GAS7: variants seen among roughly 807,000 people sequenced by gnomAD.
The protein encoded by GAS7 is growth arrest-specific protein 7.
In GAS7, 28 loss-of-function variants were observed where a neutral mutation model predicts 71.1. That is an observed-to-expected ratio of 0.39 (90% CI 0.29 to 0.54). The LOEUF (loss-of-function observed/expected upper bound fraction) is 0.54, where lower values mean the gene tolerates loss of function less well. GAS7 is among the 20% of genes least tolerant of loss of function. The pLI, the probability that GAS7 is intolerant of heterozygous loss-of-function variation, is 0.62. For synonymous variants in GAS7, 258 were observed against 245.8 expected (o/e 1.05, Z -0.46); for missense variants, 436 against 627.8 (o/e 0.69, Z 3.27).
At chr17:9,945,089 C>T (rs987345224) in intron 6 of GAS7, among the ~76,000 whole-genome samples, 1 of 152,092 alleles carries the variant, frequency 6.6e-6, no homozygotes. Context: ...ACCAGCTTTC[C>T]AAGGCTTGAG....
chr17:9,917,493 G>A, intron 13 of GAS7, 152 bp from the exon 14 acceptor site: 2 of 632,728 alleles, frequency 3.2e-6, no homozygotes. Context: ...CTGAGGGACA[G>A]CACATGAAGA....
At chr17:10,118,526 C>T (rs908904525) in intron 1 of GAS7, among the ~76,000 whole-genome samples, 3 of 152,120 alleles carry the variant, frequency 2.0e-5, no homozygotes, top group African/African-American at 7.2e-5. Context: ...GCCTGGCCAA[C>T]ACGGTAAAAC....
At chr17:9,934,657 G>C (rs2068332761) in intron 8 of GAS7, among the ~76,000 whole-genome samples, 1 of 152,198 alleles carries the variant, frequency 6.6e-6, no homozygotes, top group Non-Finnish European at 1.5e-5. Flanking sequence ...TCCCTGGTTT[G>C]CTGATGAGGG....
intron 1 of GAS7, among the ~76,000 whole-genome samples, chr17:10,023,061 G>A (rs556475669): frequency 1.1e-4 from 17 of 152,312 alleles, no homozygotes; most frequent in African/African-American, 3.8e-4. Context: ...CCGCAACGAG[G>A]AAATTCAGGA....
rs1291350121 is a variant in GAS7 at position 9,910,953 on chromosome 17, G to A, written c.*6275C>T. On this transcript the variant is annotated 3_prime_UTR_variant, in exon 14 of 14. Transcript: ENST00000432992. ...AAAATGTATAAAGTATTTAGCAAAA[G>A]TTACAGAAAACAGATCAAACAAGCA... The A allele has an allele frequency of 8.6e-6, 2 of 232,164 alleles. No homozygotes were observed. The highest frequency in any genetic ancestry group is 8.5e-6 in the Non-Finnish European group (1 of 117,202). The allele number at this position is 232,164 out of a possible 1,614,324, so 14.4% of individuals were successfully genotyped here.
At chr17:10,159,802 T>TC (rs1270601230) in intron 1 of GAS7, among the ~76,000 whole-genome samples, 2 of 151,640 alleles carry the variant, frequency 1.3e-5, no homozygotes, top group African/African-American at 2.4e-5. Flanking sequence ...TTTTTTTTTT[T>TC]TGAGACAGTG....
At chr17:9,940,065 G>T in intron 8 of GAS7, 61 bp downstream of exon 8, 3 of 943,892 alleles carry the variant, frequency 3.2e-6, no homozygotes, top group Non-Finnish European at 5.3e-6. Flanking sequence ...GATAGTGGCT[G>T]ATTTCCCTTC....
At position 10,058,738 on chromosome 17, in the gene GAS7, T is replaced by G. The variant is rs143711958; in HGVS notation, c.184-38841A>C. 2.0e-5 allele frequency among the ~76,000 whole-genome samples: 3 copies of G among 152,234 alleles called. No homozygotes were observed. The South Asian group carries it at 6.2e-4, about 32-fold the overall frequency. ...ATCACACCCCTATCACAGTCCTCAA[T>G]AGGTTCACACTGGCCGTAACATTGA... On this transcript the variant is annotated intron_variant, in intron 1 of 13. Transcript: ENST00000432992.
At chr17:10,074,068 A>G (rs892946156) in intron 1 of GAS7, among the ~76,000 whole-genome samples, 2 of 152,172 alleles carry the variant, frequency 1.3e-5, no homozygotes, top group African/African-American at 4.8e-5. Flanking sequence ...TGGAAGAGAG[A>G]AAGATGGCAG....
intron 4 of GAS7, among the ~76,000 whole-genome samples, chr17:9,964,851 T>C (rs1030387749): frequency 6.6e-6 from 1 of 152,198 alleles, no homozygotes; most frequent in Non-Finnish European, 1.5e-5. Context: ...AGAACATGTG[T>C]TATTGAATTA....
At chr17:10,054,880 A>G (rs1346690025) in intron 1 of GAS7, among the ~76,000 whole-genome samples, 1 of 152,126 alleles carries the variant, frequency 6.6e-6, no homozygotes, top group Admixed American at 6.5e-5. Flanking sequence ...TTTGGAAAGG[A>G]AGCACAAGAC....
rs372716070 is a variant in GAS7, at chr17:9,917,969, C to T, written c.1317+32G>A. On this transcript the variant is annotated intron_variant, in intron 13 of 13. Coordinates refer to ENST00000432992, the MANE Select transcript of GAS7 (RefSeq NM_201433.2). ...AGGCGGCTCTCCCCAGGCCCCGTGT[C>T]GCCCGGGAGCCCCGCTGGGCTGGAA... 3.0e-5 allele frequency: 46 copies of T among 1,515,460 alleles called. No individual in the cohort carries two copies. The Middle Eastern group carries it at 5.9e-4, about 19-fold the overall frequency. 93.9% of individuals were successfully genotyped at this position (1,515,460 alleles called of 1,614,324 possible). A position where few individuals can be genotyped will look rare whatever the true frequency, so the allele number is the denominator to read the frequency against.
chr17:10,097,106 G>T (rs1158140005), intron 1 of GAS7, among the ~76,000 whole-genome samples: 1 of 152,170 alleles, frequency 6.6e-6, no homozygotes, highest in Admixed American at 6.5e-5. Flanking sequence ...TCTGGCGCTG[G>T]GCTGCCTTCC....
chr17:9,965,290 A>ATTAG (rs2069660475), intron 4 of GAS7, among the ~76,000 whole-genome samples: 1 of 107,606 alleles, frequency 9.3e-6, no homozygotes, highest in East Asian at 2.8e-4. Flanking sequence ...TCAATGATAG[A>ATTAG]CTAAAGAAAA....
At chr17:10,020,090 C>A in intron 1 of GAS7, 193 bp from the exon 2 acceptor site, 1 of 583,982 alleles carries the variant, frequency 1.7e-6, no homozygotes, top group Non-Finnish European at 3.1e-6. Context: ...GTGAGAAGCA[C>A]CTGAGCATTC....
At chr17:10,038,628 G>A (rs1158004617) in intron 1 of GAS7, among the ~76,000 whole-genome samples, 1 of 152,112 alleles carries the variant, frequency 6.6e-6, no homozygotes, top group East Asian at 1.9e-4. Flanking sequence ...GAGCCAGAAG[G>A]TGGAAACAAT....
intron 1 of GAS7, among the ~76,000 whole-genome samples, chr17:10,069,789 T>C (rs766025263): frequency 3.3e-5 from 5 of 152,178 alleles, no homozygotes; most frequent in Admixed American, 6.5e-5. Flanking sequence ...CTTTTAAAAA[T>C]TGCACTGAAC....
intron 1 of GAS7, among the ~76,000 whole-genome samples, chr17:10,111,574 C>T (rs2073814382): frequency 6.6e-6 from 1 of 151,552 alleles, no homozygotes; most frequent in Non-Finnish European, 1.5e-5. Context: ...CAGAAATATA[C>T]TTGGGAGGCT....
At chr17:10,112,244 A>AG (rs2073820598) in intron 1 of GAS7, among the ~76,000 whole-genome samples, 2 of 152,312 alleles carry the variant, frequency 1.3e-5, no homozygotes, top group South Asian at 4.1e-4. Context: ...GACCGAAGAC[A>AG]CACAGCGAGG....
Sources: allele counts gnomAD v4.1 joint callset (sites outside exome capture counted in the v4.1 genomes callset), GRCh38; gene constraint gnomAD v4.1.1; transcripts MANE v1.5; gene names NCBI Gene and HGNC (gene_info 2026-07-23, HGNC 2026-07-21).